The following REV3L variants were observed in gnomAD, a reference collection of about 807,000 sequenced individuals.
REV3L encodes the protein REV3 like, DNA directed polymerase zeta catalytic subunit.
REV3L carries 69 observed loss-of-function variants against 299.4 expected under a neutral mutation model. The ratio of observed to expected loss-of-function variants is 0.23; its 90% CI spans 0.19 to 0.28. The LOEUF (loss-of-function observed/expected upper bound fraction) is 0.28. Among genes scored for constraint, REV3L ranks in the 10% least tolerant of loss-of-function variants. The pLI is 1.00. For missense variants in REV3L, 3,128 were observed against 3,693.8 expected, an observed-to-expected ratio of 0.85 and a Z score of 3.97; for synonymous variants, 1,238 against 1,271.4, an observed-to-expected ratio of 0.97 and a Z score of 0.56.
At chr6:111,453,272 C>A (rs1028185187) in intron 1 of REV3L, among the ~76,000 whole-genome samples, 1 of 152,130 alleles carries the variant, frequency 6.6e-6, no homozygotes, top group African/African-American at 2.4e-5. Context: ...TTTAGTCTCA[C>A]AGAATGACTT....
intron 1 of REV3L, among the ~76,000 whole-genome samples, chr6:111,470,625 A>C (rs531446974): frequency 7.9e-5 from 12 of 152,372 alleles, no homozygotes; most frequent in Non-Finnish European, 1.6e-4. Flanking sequence ...AGCATTATCA[A>C]CTAAGGTGTG....
intron 19 of REV3L, among the ~76,000 whole-genome samples, chr6:111,350,536 A>C (rs1777478266): frequency 6.6e-6 from 1 of 152,054 alleles, no homozygotes; most frequent in East Asian, 1.9e-4. Context: ...AAGCTACACA[A>C]AAATTCATGG....
chr6:111,444,063 AAAGT>A (rs1288894475), intron 1 of REV3L, among the ~76,000 whole-genome samples: 1 of 152,230 alleles, frequency 6.6e-6, no homozygotes, highest in Non-Finnish European at 1.5e-5. Context: ...GAGAATTAAC[AAAGT>A]GTGTATAGCA....
chr6:111,366,158 A>C (rs897422855), intron 14 of REV3L, among the ~76,000 whole-genome samples: 1 of 152,192 alleles, frequency 6.6e-6, no homozygotes, highest in Non-Finnish European at 1.5e-5. Context: ...AGAAGGCCAG[A>C]TGGGTTTTTA....
chr6:111,441,810 C>A (rs1354125360), intron 1 of REV3L, among the ~76,000 whole-genome samples: 1 of 152,186 alleles, frequency 6.6e-6, no homozygotes, highest in Non-Finnish European at 1.5e-5. Context: ...CCTTGCAGTT[C>A]TTTCAGCTGT....
intron 2 of REV3L, chr6:111,411,906 T>C (rs1784287745): frequency 1.2e-6 from 1 of 865,472 alleles, no homozygotes; most frequent in African/African-American, 1.8e-5. Flanking sequence ...TTTTCTTTAC[T>C]CCACATATAA....
Position 111,363,982 on chromosome 6 carries a change from TAA to T in REV3L, c.6754-6_6754-5del. 6 of 1,559,216 alleles carry T rather than the reference TAA, an allele frequency of 3.8e-6. No homozygotes were observed. The highest frequency in any genetic ancestry group is 5.2e-6 in the Non-Finnish European group (6 of 1,147,412). ...TATTTACTGCTGCAAATTGATTCTA[TAA>T]AAAAAAACACACACACACACAGCCA... On this transcript the variant is annotated splice_polypyrimidine_tract_variant and splice_region_variant and intron_variant, in intron 15 of 31. Coordinates refer to ENST00000368802, the MANE Select transcript of REV3L (RefSeq NM_001372078.1).
At chr6:111,322,793 G>C in intron 25 of REV3L, 115 bp from the exon 26 acceptor site, 2 of 765,948 alleles carry the variant, frequency 2.6e-6, no homozygotes, top group Non-Finnish European at 4.2e-6. Flanking sequence ...AACGAGAAAA[G>C]AACGTAAAAA....
chr6:111,378,214 G>C (rs541434906), intron 11 of REV3L, among the ~76,000 whole-genome samples: 13 of 152,150 alleles, frequency 8.5e-5, no homozygotes, highest in Non-Finnish European at 1.8e-4. Flanking sequence ...CTGAAGAAGA[G>C]AGAGGGTAAT....
chr6:111,440,406 C>T (rs946707894), intron 1 of REV3L, among the ~76,000 whole-genome samples: 8 of 152,170 alleles, frequency 5.3e-5, no homozygotes, highest in South Asian at 2.1e-4. Flanking sequence ...AATAAACAAA[C>T]GTATCTTTTG....
chr6:111,301,902 G>C (rs746079649), intron 31 of REV3L, among the ~76,000 whole-genome samples: 2 of 152,098 alleles, frequency 1.3e-5, no homozygotes, highest in African/African-American at 4.8e-5. Context: ...AGAAAATGCA[G>C]GCCGACTTTC....
chr6:111,434,955 A>G (rs1787378697), intron 1 of REV3L, among the ~76,000 whole-genome samples: 2 of 152,258 alleles, frequency 1.3e-5, no homozygotes. Flanking sequence ...CCTGTATCCC[A>G]GCACTTTGGG....
chr6:111,429,145 T>C (rs771171214), intron 1 of REV3L, among the ~76,000 whole-genome samples: 8 of 152,270 alleles, frequency 5.3e-5, no homozygotes, highest in Non-Finnish European at 1.0e-4. Context: ...CCTTCAAATA[T>C]AAAAAAGAGG....
chr6:111,442,781 T>C (rs1179845362), intron 1 of REV3L, among the ~76,000 whole-genome samples: 2 of 152,256 alleles, frequency 1.3e-5, no homozygotes, highest in Non-Finnish European at 2.9e-5. Flanking sequence ...TAAGTAGTTG[T>C]TCTTATGATG....
chr6:111,463,122 G>C (rs563585667), intron 1 of REV3L, among the ~76,000 whole-genome samples: 12 of 152,186 alleles, frequency 7.9e-5, no homozygotes, highest in Non-Finnish European at 1.8e-4. Context: ...TTGCTTAGTT[G>C]CAAGAGTTAT....
intron 3 of REV3L, among the ~76,000 whole-genome samples, chr6:111,406,803 T>C (rs1783674546): frequency 6.6e-6 from 1 of 152,086 alleles, no homozygotes; most frequent in Non-Finnish European, 1.5e-5. Context: ...CCAATAATAA[T>C]ATTGGAAATG....
At chr6:111,372,152 A>G (rs548598879) in intron 13 of REV3L, among the ~76,000 whole-genome samples, 2 of 152,380 alleles carry the variant, frequency 1.3e-5, no homozygotes, top group Admixed American at 1.3e-4. Flanking sequence ...ACTTAGAGAT[A>G]TATCAGAGGA....
rs551816017 is a variant in REV3L at position 111,338,291 on chromosome 6, T to C, written c.7539-2681A>G. Among the ~76,000 whole-genome samples, 17 of 148,938 alleles carry C rather than the reference T, an allele frequency of 1.1e-4. No individual in the cohort carries two copies. The South Asian group carries it at 3.6e-3, about 32-fold the overall frequency. ...TTAAAACATACTGGTTTATTTTCTT[T>C]GTTTACTCCAGTCTAAAGTCCTTTT... On this transcript the variant is annotated intron_variant, in intron 21 of 31. Transcript: ENST00000368802.
chr6:111,321,063 G>GA (rs1359994704), intron 26 of REV3L, among the ~76,000 whole-genome samples: 1 of 152,194 alleles, frequency 6.6e-6, no homozygotes, highest in East Asian at 1.9e-4. Flanking sequence ...GATGTAGAGA[G>GA]AAAGCATCAG....
Sources: gnomAD v4.1 joint callset for allele counts (sites outside exome capture counted in the v4.1 genomes callset) on GRCh38, gnomAD v4.1.1 for gene constraint, MANE v1.5 for transcripts, NCBI Gene and HGNC (gene_info 2026-07-23, HGNC 2026-07-21) for gene names.